Variants in LCMT1 observed in about 807,000 individuals in gnomAD.
LCMT1 encodes the protein [Phosphatase 2A protein]-leucine-carboxy methyltransferase 1.
A neutral mutation model predicts 47.7 loss-of-function variants in LCMT1; 32 were observed. The ratio of observed to expected loss-of-function variants is 0.67; its 90% CI spans 0.51 to 0.90. The LOEUF (loss-of-function observed/expected upper bound fraction) is 0.90. Among genes scored for constraint, LCMT1 ranks in the 40% least tolerant of loss-of-function variants. The pLI, the probability that LCMT1 is intolerant of heterozygous loss-of-function variation, is 0.00. For synonymous variants in LCMT1, 152 were observed against 149.7 expected, an observed-to-expected ratio of 1.02 and a Z score of -0.11; for missense variants, 375 against 415.2, an observed-to-expected ratio of 0.90 and a Z score of 0.84.
At chr16:25,138,160 T>G (rs916679733) in intron 3 of LCMT1, among the ~76,000 whole-genome samples, 1 of 152,126 alleles carries the variant, frequency 6.6e-6, no homozygotes, top group African/African-American at 2.4e-5. Flanking sequence ...ATTTCTGGGA[T>G]AAGTGGAGAG....
At chr16:25,123,600 C>CTTTT (rs1173228613) in intron 1 of LCMT1, among the ~76,000 whole-genome samples, 2,381 of 63,534 alleles carry the variant, frequency 0.037, 1 homozygote, top group Non-Finnish European at 0.047. Flanking sequence ...AAATTGCTTT[C>CTTTT]TTTTTTTTTT....
intron 3 of LCMT1, among the ~76,000 whole-genome samples, chr16:25,137,448 C>CT (rs1016134707): frequency 3.0e-4 from 46 of 151,710 alleles, no homozygotes; most frequent in African/African-American, 8.9e-4. Flanking sequence ...ATGGCTTTTT[C>CT]TTTTTTTTTC....
At chr16:25,141,530 GTAA>G (rs1449581169) in intron 4 of LCMT1, 1 of 151,492 alleles carries the variant, frequency 6.6e-6, no homozygotes, top group African/African-American at 2.4e-5. Flanking sequence ...TTCTTTTTTT[GTAA>G]TTTTGTAGAG....
In LCMT1 at chr16:25,133,630, C is replaced by A. The variant is rs544297590; in HGVS notation, c.327+1107C>A. 1.0e-4 allele frequency among the ~76,000 whole-genome samples: 15 copies of A among 150,634 alleles called. No homozygotes were observed. In the South Asian group the frequency reaches 2.3e-3, roughly 23 times the overall value. ...GCCAGGCTGCTCACAATCTTCTGAC[C>A]TTGTGATCTGCCTACCTCGGCCTCC... is the stretch of plus-strand genomic sequence containing the variant. On this transcript the variant is annotated intron_variant, in intron 3 of 10. Coordinates refer to ENST00000399069, the MANE Select transcript of LCMT1 (RefSeq NM_016309.3).
At chr16:25,140,129 G>C (rs1722398688) in intron 3 of LCMT1, 42 bp from the exon 4 acceptor site, 2 of 1,428,478 alleles carry the variant, frequency 1.4e-6, no homozygotes, top group Non-Finnish European at 2.0e-6. Context: ...ATCAGCACAT[G>C]TAAGAGTAAA....
At chr16:25,145,954 C>G (rs978983224) in intron 4 of LCMT1, 1 of 152,258 alleles carries the variant, frequency 6.6e-6, no homozygotes, top group Admixed American at 6.5e-5. Flanking sequence ...CAGGTGGATT[C>G]CCTGTTCTGG....
At chr16:25,169,021 C>A in intron 7 of LCMT1, 91 bp from the exon 8 acceptor site, 1 of 931,226 alleles carries the variant, frequency 1.1e-6, no homozygotes, top group Non-Finnish European at 1.7e-6. Context: ...AAGCGTCAGC[C>A]TCGGCTGCTT....
chr16:25,150,015 TA>T (rs746685058), intron 4 of LCMT1, among the ~76,000 whole-genome samples: 28 of 152,186 alleles, frequency 1.8e-4, no homozygotes, highest in Non-Finnish European at 2.6e-4. Context: ...TGAAGTTAGT[TA>T]TTATAGATGA....
At chr16:25,139,683 G>A (rs1734030346) in intron 3 of LCMT1, among the ~76,000 whole-genome samples, 2 of 152,062 alleles carry the variant, frequency 1.3e-5, no homozygotes, top group South Asian at 4.2e-4. Context: ...TTTTGTTGTT[G>A]TTAAATCGTT....
chr16:25,160,002 G>C (rs1370954168), intron 5 of LCMT1, among the ~76,000 whole-genome samples: 1 of 148,712 alleles, frequency 6.7e-6, no homozygotes, highest in African/African-American at 2.5e-5. Context: ...GCCTCACTCT[G>C]TCGCCCAGGC....
intron 1 of LCMT1, among the ~76,000 whole-genome samples, chr16:25,118,195 G>T (rs1191754804): frequency 6.6e-6 from 1 of 151,914 alleles, no homozygotes; most frequent in Non-Finnish European, 1.5e-5. Context: ...CATTTCTTAC[G>T]TGGGCTATAG....
At chr16:25,123,124 A>C (rs531263260) in intron 1 of LCMT1, among the ~76,000 whole-genome samples, 6 of 151,172 alleles carry the variant, frequency 4.0e-5, no homozygotes, top group Admixed American at 1.3e-4. Flanking sequence ...TGCAGTGCTA[A>C]TTTTATTCCA....
intron 4 of LCMT1, chr16:25,146,685 A>G (rs903911766): frequency 2.0e-5 from 3 of 152,120 alleles, no homozygotes; most frequent in Non-Finnish European, 4.4e-5. Flanking sequence ...ATTTTCTGTA[A>G]TTTCCTTCTA....
At chr16:25,157,069 G>T (rs145020570) in intron 5 of LCMT1, among the ~76,000 whole-genome samples, 1 of 151,920 alleles carries the variant, frequency 6.6e-6, no homozygotes, top group African/African-American at 2.4e-5. Context: ...GATTGATGGG[G>T]TTCACTACAG....
chr16:25,127,496 A>G (rs1313814850), intron 1 of LCMT1, among the ~76,000 whole-genome samples: 4 of 152,172 alleles, frequency 2.6e-5, no homozygotes, highest in Non-Finnish European at 4.4e-5. Context: ...TGCAGAATTC[A>G]ACACTTATTG....
intron 10 of LCMT1, 68 bp from the exon 11 acceptor site, chr16:25,177,933 G>T: frequency 7.0e-7 from 1 of 1,419,364 alleles, no homozygotes; most frequent in Non-Finnish European, 1.0e-6. Flanking sequence ...GTCACTGGGG[G>T]TCCTCTAGGG....
intron 10 of LCMT1, among the ~76,000 whole-genome samples, chr16:25,176,160 C>T (rs1486623561): frequency 6.6e-6 from 1 of 152,172 alleles, no homozygotes; most frequent in Non-Finnish European, 1.5e-5. Context: ...GTGGATCTAT[C>T]TCTGTTTCTT....
In LCMT1 at chr16:25,111,781, C is replaced by T. The variant is rs1485860560; in HGVS notation, c.-103C>T. 5.6e-5 allele frequency: 44 copies of T among 780,846 alleles called. No homozygotes were observed. In the East Asian group the frequency reaches 7.5e-4, roughly 13 times the overall value. 48.4% of individuals were successfully genotyped at this position (780,846 alleles called of 1,614,324 possible). On this transcript the variant is annotated 5_prime_UTR_variant, in exon 1 of 11. Coordinates refer to ENST00000399069, the MANE Select transcript of LCMT1 (RefSeq NM_016309.3). Reference sequence around the variant, plus strand: ...CCAGCTGAGCCAGGTAGGGCCCTACCCTCTTCTGTTGCTTTCTCCCTGTGG... The same window carrying T: ...CCAGCTGAGCCAGGTAGGGCCCTACTCTCTTCTGTTGCTTTCTCCCTGTGG...
chr16:25,124,614 T>C (rs964450371), intron 1 of LCMT1, among the ~76,000 whole-genome samples: 8 of 152,248 alleles, frequency 5.3e-5, no homozygotes, highest in African/African-American at 1.7e-4. Context: ...GGCTTGATCC[T>C]TATAGGCCAG....
Sources: gnomAD v4.1 joint callset for allele counts (sites outside exome capture counted in the v4.1 genomes callset) on GRCh38, gnomAD v4.1.1 for gene constraint, MANE v1.5 for transcripts, NCBI Gene and HGNC (gene_info 2026-07-23, HGNC 2026-07-21) for gene names.